PACSIN2: variants seen among roughly 807,000 people sequenced by gnomAD.
The protein encoded by PACSIN2 is protein kinase C and casein kinase substrate in neurons 2.
In PACSIN2, 25 loss-of-function variants were observed where a neutral mutation model predicts 63.8. That is an observed-to-expected ratio of 0.39 (90% CI 0.29 to 0.55). The LOEUF (loss-of-function observed/expected upper bound fraction) is 0.55. Ranked by LOEUF, PACSIN2 falls within the 20% of genes least tolerant of loss-of-function variation. The pLI, the probability that PACSIN2 is intolerant of heterozygous loss-of-function variation, is 0.62. For synonymous variants in PACSIN2, 255 were observed against 256.2 expected, an observed-to-expected ratio of 1.00 and a Z score of 0.05; for missense variants, 518 against 646.9, an observed-to-expected ratio of 0.80 and a Z score of 2.16.
chr22:43,012,865 G>A lies in PACSIN2; in HGVS notation c.-78+2156C>T, dbSNP rs144778161. On this transcript the variant is annotated intron_variant, in intron 1 of 10. Transcript: ENST00000263246. ...CATGGGGTTTCTCCATGTTGGTCAA[G>A]CTGGTCTCGAACTCCCGACCTCTGG... Among the ~76,000 whole-genome samples, 493 of 152,264 alleles carry A rather than the reference G, an allele frequency of 3.2e-3. 3 individuals are homozygous for A. The highest frequency in any genetic ancestry group is 0.011 in the African/African-American group (467 of 41,556).
At chr22:42,921,740 C>CA (rs1932207788) in intron 1 of PACSIN2, among the ~76,000 whole-genome samples, 1 of 144,636 alleles carries the variant, frequency 6.9e-6, no homozygotes, top group South Asian at 2.2e-4. Flanking sequence ...CATTTAGAAG[C>CA]TTTTTTTTTT....
chr22:42,963,212 A>T (rs1384693708), intron 1 of PACSIN2, among the ~76,000 whole-genome samples: 1 of 152,228 alleles, frequency 6.6e-6, no homozygotes, highest in East Asian at 1.9e-4. Flanking sequence ...CCGGCCCACA[A>T]TGTACAGGCT....
At chr22:42,878,779 G>T (rs1299612917) in intron 8 of PACSIN2, among the ~76,000 whole-genome samples, 1 of 152,210 alleles carries the variant, frequency 6.6e-6, no homozygotes, top group Non-Finnish European at 1.5e-5. Flanking sequence ...CAGGTCTGAA[G>T]CTCAGGGCCA....
intron 1 of PACSIN2, among the ~76,000 whole-genome samples, chr22:43,014,354 ACACACACACACCACCCCCCCCCCCCC>A (rs1924721052): frequency 5.9e-5 from 8 of 136,412 alleles, no homozygotes; most frequent in Admixed American, 5.1e-4. Flanking sequence ...ACACACACAG[ACACACACACACCACCCCCCCCCCCCC>A]GGGACACGGA....
Position 42,884,423 on chromosome 22 carries a change from C to A in PACSIN2, c.748G>T (p.Glu250Ter). The change falls in exon 6 of 11, where the codon GAG becomes TAG. Residue 250 changes from glutamate (E) to a stop codon, truncating the protein, a stop_gained. Coordinates refer to ENST00000263246, the MANE Select transcript of PACSIN2 (RefSeq NM_001184970.3). LOFTEE classifies it high-confidence loss of function. ...GACAGGTCTAGGTGCTTCTGAACCT[C>A]CAGCAGAACCTCCCGGAAGAAGCGA... ...RLRFFREVLL[E>*]VQKHLDLSNV... 6.2e-7 allele frequency: 1 copy of A among 1,614,224 alleles called. No homozygotes were observed. The highest frequency in any genetic ancestry group is 8.5e-7 in the Non-Finnish European group (1 of 1,180,046).
chr22:42,940,843 G>A (rs535167862), intron 1 of PACSIN2, among the ~76,000 whole-genome samples: 12 of 152,354 alleles, frequency 7.9e-5, no homozygotes, highest in African/African-American at 2.6e-4. Context: ...GAGAGGCTGT[G>A]GGAGGGATGA....
chr22:42,872,726 A>G (rs1051701053), intron 10 of PACSIN2, among the ~76,000 whole-genome samples: 5 of 152,196 alleles, frequency 3.3e-5, no homozygotes, highest in African/African-American at 7.2e-5. Flanking sequence ...GTGAAGATTA[A>G]GTGTTAAGAC....
chr22:42,955,189 G>A (rs755508094), intron 1 of PACSIN2, among the ~76,000 whole-genome samples: 7 of 152,272 alleles, frequency 4.6e-5, no homozygotes, highest in Non-Finnish European at 8.8e-5. Flanking sequence ...TCAGAGACCA[G>A]AACTCAATCC....
At chr22:42,962,074 G>C (rs1425937996) in intron 1 of PACSIN2, among the ~76,000 whole-genome samples, 1 of 152,088 alleles carries the variant, frequency 6.6e-6, no homozygotes, top group Non-Finnish European at 1.5e-5. Context: ...CCTGAGTTCT[G>C]GGGAAGCAAG....
At chr22:42,953,916 T>C (rs546126530) in intron 1 of PACSIN2, among the ~76,000 whole-genome samples, 1 of 152,274 alleles carries the variant, frequency 6.6e-6, no homozygotes, top group Non-Finnish European at 1.5e-5. Context: ...AGAGGAATGC[T>C]TAGAGCAAGA....
At chr22:42,922,218 G>A (rs968943441) in intron 1 of PACSIN2, among the ~76,000 whole-genome samples, 2 of 152,198 alleles carry the variant, frequency 1.3e-5, no homozygotes, top group African/African-American at 4.8e-5. Context: ...TAAGGTGACC[G>A]TGGCACAGGC....
At chr22:42,921,016 G>A (rs1035015719) in intron 1 of PACSIN2, among the ~76,000 whole-genome samples, 1 of 151,798 alleles carries the variant, frequency 6.6e-6, no homozygotes, top group Admixed American at 6.6e-5. Context: ...AGCTGGTCTT[G>A]AACTCTTGGG....
chr22:42,919,079 C>T (rs1224302152), intron 1 of PACSIN2, among the ~76,000 whole-genome samples: 6 of 152,142 alleles, frequency 3.9e-5, no homozygotes, highest in Admixed American at 2.0e-4. Flanking sequence ...TAATGCCAAA[C>T]AGTGCTGGAG....
chr22:42,969,928 AAAAAG>A (rs1203303483), intron 1 of PACSIN2, among the ~76,000 whole-genome samples: 1 of 152,026 alleles, frequency 6.6e-6, no homozygotes, highest in Admixed American at 6.5e-5. Flanking sequence ...AAAAGAAAAA[AAAAAG>A]AAAAGAAACT....
chr22:42,899,177 A>G (rs1452642607), intron 2 of PACSIN2, among the ~76,000 whole-genome samples: 1 of 152,208 alleles, frequency 6.6e-6, no homozygotes, highest in Admixed American at 6.5e-5. Context: ...CACAGGGTCT[A>G]CCGCACAGCA....
At chr22:42,952,615 C>G (rs1160349256) in intron 1 of PACSIN2, among the ~76,000 whole-genome samples, 1 of 151,640 alleles carries the variant, frequency 6.6e-6, no homozygotes, top group African/African-American at 2.4e-5. Context: ...CCTTGGCCTC[C>G]CAAAGTGCTG....
At chr22:42,991,456 GGCAA>G in intron 1 of PACSIN2, among the ~76,000 whole-genome samples, 1 of 152,130 alleles carries the variant, frequency 6.6e-6, no homozygotes, top group South Asian at 2.1e-4. Context: ...TCTCTGTCCT[GGCAA>G]GCCTCTAGTC....
Position 42,947,841 on chromosome 22 carries a change from T to C in PACSIN2, c.-77-35684A>G, listed in dbSNP as rs1324655213. Among the ~76,000 whole-genome samples, 18 of 152,158 alleles carry C rather than the reference T, an allele frequency of 1.2e-4. 1 individual carries two copies. ...CACAGTGCCTGGAGTATGGGGACCT[T>C]CCACAAGCATTGGCCAGGGAGAAGG... On this transcript the variant is annotated intron_variant, in intron 1 of 10. Coordinates refer to ENST00000263246, the MANE Select transcript of PACSIN2 (RefSeq NM_001184970.3).
chr22:42,923,968 G>C (rs1288213622), intron 1 of PACSIN2, among the ~76,000 whole-genome samples: 1 of 152,028 alleles, frequency 6.6e-6, no homozygotes, highest in Non-Finnish European at 1.5e-5. Flanking sequence ...CTTGAGCCCA[G>C]GAATTTGAGG....
Sources: allele counts gnomAD v4.1 joint callset (sites outside exome capture counted in the v4.1 genomes callset), GRCh38; gene constraint gnomAD v4.1.1; transcripts MANE v1.5; gene names NCBI Gene and HGNC (gene_info 2026-07-23, HGNC 2026-07-21).